MGAT4C: variants seen among roughly 807,000 people sequenced by gnomAD.
MGAT4C encodes the protein alpha-1,3-mannosyl-glycoprotein 4-beta-N-acetylglucosaminyltransferase C.
A neutral mutation model predicts 40.1 loss-of-function variants in MGAT4C; 19 were observed. The observed-to-expected ratio is 0.47, with a 90% CI of 0.33 to 0.70. The LOEUF is 0.70. Ranked by LOEUF, MGAT4C falls within the 30% of genes least tolerant of loss-of-function variation. The pLI is 0.02. For missense variants in MGAT4C, 491 were observed against 563.2 expected, an observed-to-expected ratio of 0.87 and a Z score of 1.30; for synonymous variants, 181 against 187.1, an observed-to-expected ratio of 0.97 and a Z score of 0.27.
intron 4 of MGAT4C, among the ~76,000 whole-genome samples, chr12:86,308,794 A>G (rs370989247): frequency 2.7e-5 from 4 of 150,436 alleles, no homozygotes; most frequent in Non-Finnish European, 2.9e-5. Context: ...TGTGTTAAGT[A>G]TTTTATATAC....
At chr12:86,342,383 A>C (rs539537473) in intron 3 of MGAT4C, among the ~76,000 whole-genome samples, 10 of 152,200 alleles carry the variant, frequency 6.6e-5, no homozygotes, top group Admixed American at 4.6e-4. Context: ...GACAGTACCA[A>C]CTCAGCAACT....
chr12:86,609,070 A>G (rs1313620767), intron 2 of MGAT4C, among the ~76,000 whole-genome samples: 2 of 152,166 alleles, frequency 1.3e-5, no homozygotes, highest in Non-Finnish European at 2.9e-5. Context: ...CATGCTAAAA[A>G]TGCATTATTA....
rs535255765 is a variant in MGAT4C, at chr12:86,762,025, G to A, written c.-261-34784C>T. Among the ~76,000 whole-genome samples the A allele has an allele frequency of 5.3e-5, 8 of 151,758 alleles. No homozygotes were observed. The East Asian group carries it at 1.4e-3, about 26-fold the overall frequency. On this transcript the variant is annotated intron_variant, in intron 1 of 7. Transcript: ENST00000548651. ...AGTCCTCTGCTCAGGGTCTTAACAG[G>A]CTGAAATAATGGTGAGGGATAGGCT...
chr12:86,423,010 C>G (rs892563056), intron 3 of MGAT4C, among the ~76,000 whole-genome samples: 1 of 151,866 alleles, frequency 6.6e-6, no homozygotes, highest in Non-Finnish European at 1.5e-5. Flanking sequence ...GTAATCTGCA[C>G]GAACATCAGA....
chr12:86,482,089 C>CACACACAT (rs1957947816), intron 2 of MGAT4C, among the ~76,000 whole-genome samples: 1 of 151,594 alleles, frequency 6.6e-6, no homozygotes, highest in South Asian at 2.1e-4. Flanking sequence ...CACACACACA[C>CACACACAT]ACACACACAC....
chr12:86,774,034 A>G (rs1323957549), intron 1 of MGAT4C, among the ~76,000 whole-genome samples: 1 of 128,904 alleles, frequency 7.8e-6, no homozygotes, highest in African/African-American at 3.0e-5. Flanking sequence ...GCTTACTGCG[A>G]CCTCTGTCTT....
Position 86,044,631 on chromosome 12 carries a change from G to T in MGAT4C, c.-7+5043C>A, listed in dbSNP as rs931844952. On this transcript the variant is annotated intron_variant, in intron 2 of 4. Coordinates refer to ENST00000611864, the MANE Select transcript of MGAT4C (RefSeq NM_001351288.2). ...GTCAGGGGAAGGGGCAGGTGAGCTG[G>T]TATGTGTTAGCAGCAGCCGATCTGC... is the stretch of plus-strand genomic sequence containing the variant. Among the ~76,000 whole-genome samples the T allele has an allele frequency of 2.0e-5, 3 of 152,088 alleles. No homozygotes were observed. The East Asian group carries it at 5.8e-4, about 29-fold the overall frequency.
At chr12:86,512,109 G>A (rs1201914088) in intron 2 of MGAT4C, among the ~76,000 whole-genome samples, 2 of 151,930 alleles carry the variant, frequency 1.3e-5, no homozygotes, top group African/African-American at 4.8e-5. Flanking sequence ...AAGAGGAAAA[G>A]ACTCCCATAA....
At chr12:86,645,186 A>G (rs1963506076) in intron 2 of MGAT4C, among the ~76,000 whole-genome samples, 1 of 151,710 alleles carries the variant, frequency 6.6e-6, no homozygotes, top group Non-Finnish European at 1.5e-5. Flanking sequence ...TAGCATTTAT[A>G]AATACCAAGA....
chr12:86,281,391 A>C (rs1953214851), intron 4 of MGAT4C, among the ~76,000 whole-genome samples: 1 of 151,728 alleles, frequency 6.6e-6, no homozygotes, highest in South Asian at 2.1e-4. Flanking sequence ...ATATATATCC[A>C]TTTTGTTTCC....
At chr12:86,508,801 G>C (rs577575132) in intron 2 of MGAT4C, among the ~76,000 whole-genome samples, 34 of 149,350 alleles carry the variant, frequency 2.3e-4, no homozygotes, top group Admixed American at 9.4e-4. Flanking sequence ...GCATTTCTCT[G>C]ATGGCCAGTG....
intron 2 of MGAT4C, among the ~76,000 whole-genome samples, chr12:86,638,253 A>G (rs563735073): frequency 2.0e-5 from 3 of 151,934 alleles, no homozygotes; most frequent in South Asian, 4.2e-4. Flanking sequence ...TACCAGTTCA[A>G]TTTAATTGCT....
chr12:86,016,948 G>A (rs567328478), intron 2 of MGAT4C, among the ~76,000 whole-genome samples: 82 of 123,132 alleles, frequency 6.7e-4, no homozygotes, highest in African/African-American at 1.2e-3. Context: ...AAATGTTACC[G>A]TATTACTGAT....
chr12:86,431,515 G>A (rs774143058), intron 3 of MGAT4C, among the ~76,000 whole-genome samples: 2 of 151,964 alleles, frequency 1.3e-5, no homozygotes, highest in Admixed American at 1.3e-4. Context: ...CATTTACAAC[G>A]GTGTTATTTT....
At chr12:86,574,017 T>A (rs970317000) in intron 2 of MGAT4C, among the ~76,000 whole-genome samples, 5 of 151,978 alleles carry the variant, frequency 3.3e-5, no homozygotes, top group African/African-American at 1.2e-4. Flanking sequence ...CGTTGAATAA[T>A]CTTGGAATAG....
intron 4 of MGAT4C, among the ~76,000 whole-genome samples, chr12:86,268,545 A>G (rs1277852551): frequency 6.6e-6 from 1 of 151,398 alleles, no homozygotes; most frequent in Non-Finnish European, 1.5e-5. Context: ...TTACGGACTC[A>G]TAGATTTTTG....
At chr12:86,000,915 G>A (rs1887223294) in intron 2 of MGAT4C, among the ~76,000 whole-genome samples, 2 of 152,058 alleles carry the variant, frequency 1.3e-5, no homozygotes, top group South Asian at 4.1e-4. Flanking sequence ...CTTGTAAGCT[G>A]TGGTTTCATA....
chr12:86,600,711 G>A (rs1961737249), intron 2 of MGAT4C, among the ~76,000 whole-genome samples: 1 of 152,224 alleles, frequency 6.6e-6, no homozygotes, highest in South Asian at 2.1e-4. Flanking sequence ...GCACTCTGCG[G>A]AGCCAGTGGG....
intron 1 of MGAT4C, among the ~76,000 whole-genome samples, chr12:86,097,534 G>T (rs554469651): frequency 6.6e-6 from 1 of 151,510 alleles, no homozygotes; most frequent in African/African-American, 2.4e-5. Context: ...TACTCCATTT[G>T]CAAAGTTTTT....
Sources: allele counts gnomAD v4.1 joint callset (sites outside exome capture counted in the v4.1 genomes callset), GRCh38; gene constraint gnomAD v4.1.1; transcripts MANE v1.5; gene names NCBI Gene and HGNC (gene_info 2026-07-23, HGNC 2026-07-21).